Variants in RPSA2 observed in about 807,000 individuals in gnomAD.
The protein encoded by RPSA2 is ribosomal protein SA 2, also known as small ribosomal subunit protein uS2B.
the RPSA2 span, among the ~76,000 whole-genome samples, chr19:23,804,591 G>A: frequency 6.6e-6 from 1 of 152,118 alleles, no homozygotes; most frequent in South Asian, 2.1e-4. Flanking sequence ...CACCGCGTCC[G>A]GCCTGTGCCT....
the RPSA2 span, among the ~76,000 whole-genome samples, chr19:23,790,052 T>G: frequency 6.6e-6 from 1 of 152,008 alleles, no homozygotes; most frequent in African/African-American, 2.4e-5. Context: ...CAGGCTGGAG[T>G]GCAGTGGCAT....
chr19:23,850,807 G>A, the RPSA2 span, among the ~76,000 whole-genome samples: 1 of 152,116 alleles, frequency 6.6e-6, no homozygotes, highest in South Asian at 2.1e-4. Flanking sequence ...GGAACATTCA[G>A]AAAGTTTGAA....
the RPSA2 span, among the ~76,000 whole-genome samples, chr19:23,797,497 G>A: frequency 1.9e-4 from 26 of 138,788 alleles, no homozygotes; most frequent in South Asian, 1.6e-3. Flanking sequence ...TTCAAGTGCC[G>A]GTTGTTTAAT....
chr19:23,847,497 G>T, the RPSA2 span, among the ~76,000 whole-genome samples: 1 of 152,114 alleles, frequency 6.6e-6, no homozygotes, highest in Admixed American at 6.6e-5. Flanking sequence ...AAAACCAGCA[G>T]GTTTTTATTA....
chr19:23,854,350 T>G, the RPSA2 span, among the ~76,000 whole-genome samples: 48 of 152,232 alleles, frequency 3.2e-4, no homozygotes, highest in Non-Finnish European at 5.7e-4. Context: ...TACAGAGATC[T>G]ACTGCTCCAC....
the RPSA2 span, among the ~76,000 whole-genome samples, chr19:23,866,513 G>GTCCCCC: frequency 1.3e-4 from 19 of 142,284 alleles, no homozygotes; most frequent in Non-Finnish European, 2.3e-4. Context: ...ACAATGTGGT[G>GTCCCCC]CCCCCCCCCG....
chr19:23,827,096 A>G, the RPSA2 span: 9 of 745,458 alleles, frequency 1.2e-5, no homozygotes, highest in Non-Finnish European at 2.1e-5. Flanking sequence ...TTTCCGCGCT[A>G]CCTGCAGAGG....
the RPSA2 span, among the ~76,000 whole-genome samples, chr19:23,789,244 A>G: frequency 6.6e-6 from 1 of 151,476 alleles, no homozygotes; most frequent in Non-Finnish European, 1.5e-5. Context: ...CAGTTGATCC[A>G]CTTGCCTTGG....
chr19:23,776,368 C>A, the RPSA2 span, among the ~76,000 whole-genome samples: 1 of 152,012 alleles, frequency 6.6e-6, no homozygotes, highest in Admixed American at 6.6e-5. Flanking sequence ...TGCCTTGCAC[C>A]CAGGGGATGG....
chr19:23,827,097 C>T, the RPSA2 span: 6 of 747,338 alleles, frequency 8.0e-6, no homozygotes, highest in South Asian at 5.9e-5. Context: ...TTCCGCGCTA[C>T]CTGCAGAGGG....
chr19:23,790,961 C>T, the RPSA2 span, among the ~76,000 whole-genome samples: 1,779 of 152,278 alleles, frequency 0.012, 36 homozygotes, highest in African/African-American at 0.04. Context: ...GCCGGGCCCC[C>T]GGGCGTCCTG....
chr19:23,870,215 T>C, the RPSA2 span, among the ~76,000 whole-genome samples: 5 of 152,238 alleles, frequency 3.3e-5, no homozygotes, highest in East Asian at 1.9e-4. Flanking sequence ...ATGTCCTCTG[T>C]AGCTTTGCAT....
the RPSA2 span, among the ~76,000 whole-genome samples, chr19:23,835,740 A>T: frequency 6.6e-6 from 1 of 151,874 alleles, no homozygotes; most frequent in South Asian, 2.1e-4. Flanking sequence ...AGGTTCAAGC[A>T]GTTCTGCCTC....
the RPSA2 span, among the ~76,000 whole-genome samples, chr19:23,826,224 TACTCTGCTACTCAG>T: frequency 6.6e-6 from 1 of 151,546 alleles, no homozygotes; most frequent in African/African-American, 2.4e-5. Context: ...GCTGGAGTCT[TACTCTGCTACTCAG>T]GCTGGAGTGC....
chr19:23,825,647 C>T, the RPSA2 span, among the ~76,000 whole-genome samples: 3 of 152,114 alleles, frequency 2.0e-5, no homozygotes, highest in Non-Finnish European at 4.4e-5. Context: ...AGTGTAATGG[C>T]GCGATCTCAG....
At chr19:23,863,726 C>T in the RPSA2 span, among the ~76,000 whole-genome samples, 1 of 152,158 alleles carries the variant, frequency 6.6e-6, no homozygotes, top group African/African-American at 2.4e-5. Context: ...ACAAGCTGGA[C>T]ATATGAGCCC....
chr19:23,838,310 C>CT, the RPSA2 span, among the ~76,000 whole-genome samples: 5 of 147,162 alleles, frequency 3.4e-5, no homozygotes, highest in African/African-American at 1.0e-4. Context: ...CATGGATTAT[C>CT]TTTTTGACAT....
chr19:23,818,114 A>G, the RPSA2 span: 6 of 152,166 alleles, frequency 3.9e-5, no homozygotes, highest in Non-Finnish European at 8.8e-5. Flanking sequence ...TAGCATCACT[A>G]TGACTTAATT....
the RPSA2 span, chr19:23,798,879 G>A: frequency 6.6e-6 from 1 of 152,050 alleles, no homozygotes; most frequent in East Asian, 1.9e-4. Context: ...TACCTTGCAG[G>A]TTCATGTATA....
Sources: allele counts gnomAD v4.1 joint callset (sites outside exome capture counted in the v4.1 genomes callset), GRCh38; gene constraint gnomAD v4.1.1; transcripts MANE v1.5; gene names NCBI Gene and HGNC (gene_info 2026-07-23, HGNC 2026-07-21).